RNPS1: variants seen among roughly 807,000 people sequenced by gnomAD.
RNPS1 encodes the protein RNA binding protein with serine rich domain 1.
For missense variants in RNPS1, 300 were observed against 427.6 expected, an observed-to-expected ratio of 0.70 and a Z score of 2.63; for synonymous variants, 147 against 150.0, an observed-to-expected ratio of 0.98 and a Z score of 0.15.
intron 6 of RNPS1, among the ~76,000 whole-genome samples, chr16:2,261,814 A>G (rs1021788586): frequency 7.9e-5 from 12 of 152,208 alleles, no homozygotes; most frequent in African/African-American, 2.9e-4. Context: ...AAGCAAGGGT[A>G]ATTACCCCAG....
At chr16:2,257,261 C>G in intron 6 of RNPS1, 1 of 152,090 alleles carries the variant, frequency 6.6e-6, no homozygotes, top group South Asian at 2.1e-4. Flanking sequence ...CTTCTGTGCC[C>G]TAAGGGGTAA....
chr16:2,262,714 C>T, intron 5 of RNPS1, 26 bp downstream of exon 5: 1 of 1,591,996 alleles, frequency 6.3e-7, no homozygotes, highest in Non-Finnish European at 8.6e-7. Context: ...ACCCCACTGC[C>T]CACAGGAGAG....
intron 5 of RNPS1, 67 bp from the exon 6 acceptor site, chr16:2,262,498 A>G: frequency 1.9e-6 from 3 of 1,548,736 alleles, no homozygotes; most frequent in Non-Finnish European, 2.7e-6. Context: ...CAGAGAGCTC[A>G]GCACATCATG....
At chr16:2,262,907 G>C (rs947500706) in intron 4 of RNPS1, 65 bp from the exon 5 acceptor site, 14 of 1,438,426 alleles carry the variant, frequency 9.7e-6, no homozygotes, top group Non-Finnish European at 1.3e-5. Context: ...GACGCCTTTC[G>C]AGTAAGCTCT....
At chr16:2,254,379 G>A (rs1418707334) in intron 7 of RNPS1, among the ~76,000 whole-genome samples, 4 of 150,122 alleles carry the variant, frequency 2.7e-5, no homozygotes, top group South Asian at 2.1e-4. Context: ...GCGCAATCTC[G>A]GCCTCCCAGG....
intron 1 of RNPS1, chr16:2,266,495 G>A (rs552997292): frequency 4.0e-5 from 38 of 947,684 alleles, no homozygotes; most frequent in Non-Finnish European, 4.7e-5. Flanking sequence ...CCTTTCTCAA[G>A]TTTCTCATCA....
chr16:2,266,059 AGTT>A, intron 1 of RNPS1: 1 of 945,112 alleles, frequency 1.1e-6, no homozygotes, highest in Non-Finnish European at 1.3e-6. Flanking sequence ...AAGCTGCAGG[AGTT>A]GTTAAGTGAA....
In RNPS1 at chr16:2,262,446, G is replaced by T. The variant is rs184203311; in HGVS notation, c.523-15C>A. On this transcript the variant is annotated splice_polypyrimidine_tract_variant and intron_variant, in intron 5 of 7. Coordinates refer to ENST00000320225, the MANE Select transcript of RNPS1 (RefSeq NM_080594.4). Reference sequence around the variant, plus strand: ...ATGATGTGATCCTAGAGGGAAAGAAGGGTCACGCCAACGCCCAGCTACCAG... The same window carrying T: ...ATGATGTGATCCTAGAGGGAAAGAATGGTCACGCCAACGCCCAGCTACCAG... 2.9e-5 allele frequency: 47 copies of T among 1,613,804 alleles called. No homozygotes were observed. The African/African-American group carries it at 5.9e-4, about 20-fold the overall frequency.
chr16:2,263,887 A>G (rs1395595614), intron 3 of RNPS1: 2 of 380,818 alleles, frequency 5.3e-6, no homozygotes, highest in African/African-American at 2.1e-5. Flanking sequence ...TAATTTTACA[A>G]ATTACTCTTT....
At chr16:2,262,533 A>T (rs1045963434) in intron 5 of RNPS1, 102 bp from the exon 6 acceptor site, 2 of 1,230,734 alleles carry the variant, frequency 1.6e-6, no homozygotes, top group African/African-American at 1.5e-5. Context: ...AGGGTAAAAC[A>T]TTCCATCTGA....
intron 6 of RNPS1, chr16:2,258,122 A>T (rs752760179): frequency 6.6e-6 from 1 of 152,262 alleles, no homozygotes; most frequent in Non-Finnish European, 1.5e-5. Context: ...ACAAGTGTTT[A>T]AGAAATAAAC....
chr16:2,264,757 C>T lies in RNPS1; in HGVS notation c.-114G>A. 1 of 1,551,316 alleles carries T rather than the reference C, an allele frequency of 6.4e-7. No homozygotes were observed. The highest frequency in any genetic ancestry group is 8.6e-7 in the Non-Finnish European group (1 of 1,156,648). On this transcript the variant is annotated 5_prime_UTR_variant, in exon 2 of 8. Coordinates refer to ENST00000320225, the MANE Select transcript of RNPS1 (RefSeq NM_080594.4). ...ATCGATTGCAATTTACGCCAAAGAG[C>T]AGCCTAATAACAAGATAAAAGGGTT...
chr16:2,262,526 G>T, intron 5 of RNPS1, 95 bp from the exon 6 acceptor site: 1 of 1,348,702 alleles, frequency 7.4e-7, no homozygotes, highest in Non-Finnish European at 1.0e-6. Context: ...CCTCGGCAGG[G>T]TAAAACATTC....
chr16:2,267,495 G>T (rs1281230229), intron 1 of RNPS1: 2 of 1,005,208 alleles, frequency 2.0e-6, no homozygotes, highest in Non-Finnish European at 2.4e-6. Context: ...GCCTAGCGCC[G>T]ATAATTGCAC....
chr16:2,253,791 C>A lies in RNPS1; in HGVS notation c.*173G>T. ...TCTTGACAGGCACACAGCATCCAAA[C>A]CAACAGCACTTCTGCAGCCGGGGCC... is the stretch of plus-strand genomic sequence containing the variant. On this transcript the variant is annotated 3_prime_UTR_variant, in exon 8 of 8. Coordinates refer to ENST00000320225, the MANE Select transcript of RNPS1 (RefSeq NM_080594.4). The A allele has an allele frequency of 1.4e-6, 1 of 716,386 alleles. No homozygotes were observed. The highest frequency in any genetic ancestry group is 2.6e-6 in the Non-Finnish European group (1 of 390,334). The allele number at this position is 716,386 out of a possible 1,614,324, so 44.4% of individuals were successfully genotyped here. A position where few individuals can be genotyped will look rare whatever the true frequency, so the allele number is the denominator to read the frequency against.
intron 5 of RNPS1, 56 bp from the exon 6 acceptor site, chr16:2,262,487 G>A (rs2093607162): frequency 2.4e-5 from 38 of 1,585,694 alleles, no homozygotes; most frequent in Non-Finnish European, 2.5e-5. Context: ...CACGTCAGAC[G>A]CAGAGAGCTC....
At position 2,264,357 on chromosome 16, in the gene RNPS1, T is replaced by C. The variant is rs369440119; in HGVS notation, c.72-26A>G. 2.1e-5 allele frequency: 34 copies of C among 1,613,942 alleles called. No individual in the cohort carries two copies. In the African/African-American group the frequency reaches 2.3e-4, roughly 11 times the overall value. On this transcript the variant is annotated intron_variant, in intron 2 of 7. Transcript: ENST00000320225. ...CTGGATGGTGAGGAAGAGTGTGAGA[T>C]TGCGTGCTCCTCTGACCAAACCCAA...
chr16:2,254,144 T>C (rs1222579089), intron 7 of RNPS1, 81 bp from the exon 8 acceptor site: 1 of 1,064,576 alleles, frequency 9.4e-7, no homozygotes, highest in East Asian at 2.9e-5. Context: ...TTCCCCATAG[T>C]TTTACTTTTT....
chr16:2,263,894 CTTT>C (rs763102791), intron 3 of RNPS1: 259 of 207,238 alleles, frequency 1.2e-3, no homozygotes, highest in East Asian at 2.0e-3. Context: ...ACAAATTACT[CTTT>C]TTTTTTTTTT....
Sources: gnomAD v4.1 joint callset for allele counts (sites outside exome capture counted in the v4.1 genomes callset) on GRCh38, gnomAD v4.1.1 for gene constraint, MANE v1.5 for transcripts, NCBI Gene and HGNC (gene_info 2026-07-23, HGNC 2026-07-21) for gene names.